CLEC16A: variants seen among roughly 807,000 people sequenced by gnomAD.
CLEC16A encodes protein CLEC16A.
In CLEC16A, 51 loss-of-function variants were observed where a neutral mutation model predicts 109.5. That is an observed-to-expected ratio of 0.47 (90% confidence interval 0.37 to 0.59). The LOEUF is 0.59. CLEC16A is among the 20% of genes least tolerant of loss of function. CLEC16A has a pLI of 0.00. For missense variants in CLEC16A, 1,339 were observed against 1,394.0 expected, an observed-to-expected ratio of 0.96 and a Z score of 0.63; for synonymous variants, 673 against 564.2, an observed-to-expected ratio of 1.19 and a Z score of -2.73.
chr16:10,997,068 C>T (rs761384830), intron 10 of CLEC16A, among the ~76,000 whole-genome samples: 1 of 152,210 alleles, frequency 6.6e-6, no homozygotes, highest in Non-Finnish European at 1.5e-5. Flanking sequence ...CTCAAGTGAT[C>T]TTCCTGCCTC....
intron 19 of CLEC16A, among the ~76,000 whole-genome samples, chr16:11,103,313 C>T (rs1273379689): frequency 6.6e-6 from 1 of 152,202 alleles, no homozygotes; most frequent in African/African-American, 2.4e-5. Flanking sequence ...GGGCACAGGG[C>T]TCACTCCTGT....
At chr16:11,057,707 A>G (rs1463144938) in intron 18 of CLEC16A, among the ~76,000 whole-genome samples, 1 of 152,212 alleles carries the variant, frequency 6.6e-6, no homozygotes, top group Non-Finnish European at 1.5e-5. Flanking sequence ...TTTTAATAAT[A>G]CTTTTAAATT....
intron 10 of CLEC16A, among the ~76,000 whole-genome samples, chr16:10,987,464 G>A (rs1040561280): frequency 1.3e-5 from 2 of 152,166 alleles, no homozygotes; most frequent in African/African-American, 4.8e-5. Context: ...TAGGATGAAG[G>A]TCTCACCTCC....
intron 21 of CLEC16A, 75 bp downstream of exon 21, chr16:11,124,021 C>A: frequency 7.8e-7 from 1 of 1,289,654 alleles, no homozygotes; most frequent in Non-Finnish European, 1.1e-6. Context: ...CTCACACTGA[C>A]CTTGAGAACC....
intron 23 of CLEC16A, among the ~76,000 whole-genome samples, chr16:11,171,751 C>A (rs541864592): frequency 7.0e-4 from 106 of 152,336 alleles, no homozygotes; most frequent in African/African-American, 2.5e-3. Context: ...CCACTGTGCA[C>A]CCACACAGTG....
chr16:10,967,107 G>A (rs2042549297), intron 3 of CLEC16A, among the ~76,000 whole-genome samples: 1 of 152,186 alleles, frequency 6.6e-6, no homozygotes, highest in South Asian at 2.1e-4. Context: ...AAACCGCACA[G>A]CCTGTCTGCC....
rs141237416 is a variant in CLEC16A at position 10,992,343 on chromosome 16, T to C, written c.1071+9352T>C. 5.6e-3 allele frequency among the ~76,000 whole-genome samples: 857 copies of C among 152,028 alleles called. 7 individuals carry two copies. The highest frequency in any genetic ancestry group is 0.02 in the African/African-American group (812 of 41,490). ...TGTTCTCCTCTCTACTTCTATGAGATCAACTTTGTTTAGATTCCACAAGTG... is the reference window on the plus strand; with the variant it reads ...TGTTCTCCTCTCTACTTCTATGAGACCAACTTTGTTTAGATTCCACAAGTG... On this transcript the variant is annotated intron_variant, in intron 10 of 23. Transcript: ENST00000409790.
intron 22 of CLEC16A, among the ~76,000 whole-genome samples, chr16:11,165,034 C>A (rs536840928): frequency 6.6e-6 from 1 of 152,238 alleles, no homozygotes; most frequent in South Asian, 2.1e-4. Context: ...GACTCGCCCC[C>A]CCATATCTCC....
chr16:11,067,987 G>A (rs2048860943), intron 19 of CLEC16A, among the ~76,000 whole-genome samples: 1 of 152,228 alleles, frequency 6.6e-6, no homozygotes, highest in Admixed American at 6.5e-5. Flanking sequence ...CTCCTGGCAA[G>A]GCAGGCTGCT....
intron 22 of CLEC16A, among the ~76,000 whole-genome samples, chr16:11,161,931 T>C (rs2054736523): frequency 6.6e-6 from 1 of 152,116 alleles, no homozygotes; most frequent in African/African-American, 2.4e-5. Flanking sequence ...AATCACATGG[T>C]TAAGTGATTA....
chr16:11,028,382 A>T (rs2046544669), intron 13 of CLEC16A, among the ~76,000 whole-genome samples: 1 of 152,006 alleles, frequency 6.6e-6, no homozygotes, highest in Non-Finnish European at 1.5e-5. Flanking sequence ...TAAATGAGTC[A>T]CTCTAGCATT....
intron 18 of CLEC16A, among the ~76,000 whole-genome samples, chr16:11,055,575 CTTTTT>C (rs71136609): frequency 9.1e-4 from 38 of 41,748 alleles, no homozygotes; most frequent in African/African-American, 3.7e-3. Context: ...TTCCCTCTTG[CTTTTT>C]TTTTTTTTTT....
rs1413370878 is a variant in CLEC16A, at chr16:10,954,143, A to G, written c.81-3639A>G. 6.6e-6 allele frequency among the ~76,000 whole-genome samples: 1 copy of G among 152,218 alleles called. No individual in the cohort carries two copies. Among genetic ancestry groups the G allele is most frequent in the African/African-American group, 2.4e-5 (1 of 41,458 alleles). ...ATGGCGCCACCGACCAGGGCAAAGA[A>G]CACCAAGTATTGAGAGGCCAAGAAA... On this transcript the variant is annotated intron_variant, in intron 1 of 23. Coordinates refer to ENST00000409790, the MANE Select transcript of CLEC16A (RefSeq NM_015226.3). This position sits in a 1 kb window ranked among gnomAD's most constrained non-coding sequence, Gnocchi z 4.2.
chr16:11,044,941 A>G (rs1053247842), intron 16 of CLEC16A, among the ~76,000 whole-genome samples: 28 of 152,030 alleles, frequency 1.8e-4, no homozygotes, highest in Admixed American at 9.8e-4. Context: ...AAAAAAAAAA[A>G]AAAACTAATT....
chr16:10,983,905 C>T (rs2043472010), intron 10 of CLEC16A, among the ~76,000 whole-genome samples: 1 of 148,946 alleles, frequency 6.7e-6, no homozygotes, highest in African/African-American at 2.5e-5. Context: ...GTCACTGAAT[C>T]AGCTGCAGTC....
At position 11,051,505 on chromosome 16, in the gene CLEC16A, T is replaced by A; in HGVS notation, c.1867-8T>A. 3 of 1,610,404 alleles carry A rather than the reference T, an allele frequency of 1.9e-6. No homozygotes were observed. The highest frequency in any genetic ancestry group is 2.5e-6 in the Non-Finnish European group (3 of 1,176,804). On this transcript the variant is annotated splice_region_variant and splice_polypyrimidine_tract_variant and intron_variant, in intron 17 of 23. Transcript: ENST00000409790. The stretch of plus-strand genomic sequence containing the variant: ...CTGCTTTGAGGTTTCCTGTAATGTC[T>A]CTTCTAGATGAAGCCCATGAACGTG...
intron 22 of CLEC16A, among the ~76,000 whole-genome samples, chr16:11,137,077 A>G (rs7203478): frequency 0.043 from 6,520 of 152,322 alleles, 462 homozygotes; most frequent in African/African-American, 0.15. Context: ...CGTGTGAACC[A>G]AGAGTACAGA....
chr16:10,973,206 C>T (rs1347830655), intron 7 of CLEC16A, 145 bp downstream of exon 7: 1 of 897,502 alleles, frequency 1.1e-6, no homozygotes, highest in East Asian at 2.9e-5. Context: ...GTAAAAGGTC[C>T]TGCTCACCTA....
At chr16:10,997,520 C>A (rs868636442) in intron 10 of CLEC16A, among the ~76,000 whole-genome samples, 1 of 152,134 alleles carries the variant, frequency 6.6e-6, no homozygotes, top group Non-Finnish European at 1.5e-5. Context: ...ATAAAATAAA[C>A]ATAAAATTCA....
Sources: gnomAD v4.1 joint callset for allele counts (sites outside exome capture counted in the v4.1 genomes callset) on GRCh38, gnomAD v4.1.1 for gene constraint, Gnocchi (gnomAD v3.1) non-coding constraint, MANE v1.5 for transcripts, NCBI Gene and HGNC (gene_info 2026-07-23, HGNC 2026-07-21) for gene names.